FGF12: variants seen among roughly 807,000 people sequenced by gnomAD.
The protein encoded by FGF12 is fibroblast growth factor 12.
In FGF12, 14 loss-of-function variants were observed where a neutral mutation model predicts 23.6. That is an observed-to-expected ratio of 0.59 (90% CI 0.39 to 0.93). The LOEUF is 0.93. FGF12 is among the 40% of genes least tolerant of loss of function. The probability of loss-of-function intolerance (pLI) is 0.00; values close to 1 mark genes in which losing one functional copy is unlikely to be tolerated. For synonymous variants in FGF12, 62 were observed against 77.3 expected, an observed-to-expected ratio of 0.80 and a Z score of 1.04; for missense variants, 175 against 217.8, an observed-to-expected ratio of 0.80 and a Z score of 1.24.
At chr3:192,612,044 A>C (rs916765234) in intron 2 of FGF12, among the ~76,000 whole-genome samples, 4 of 151,958 alleles carry the variant, frequency 2.6e-5, no homozygotes, top group African/African-American at 9.7e-5. Context: ...TGGGATTATA[A>C]TACTACTTGG....
chr3:192,583,629 C>G (rs1302089276), intron 2 of FGF12, among the ~76,000 whole-genome samples: 1 of 152,128 alleles, frequency 6.6e-6, no homozygotes, highest in Non-Finnish European at 1.5e-5. Context: ...CTTTCAGACC[C>G]CCTGACTTCA....
At chr3:192,578,086 C>A (rs138789239) in intron 2 of FGF12, among the ~76,000 whole-genome samples, 151 of 152,248 alleles carry the variant, frequency 9.9e-4, no homozygotes, top group African/African-American at 3.3e-3. Context: ...TAATCGTGTT[C>A]TCTATGGCAA....
intron 2 of FGF12, among the ~76,000 whole-genome samples, chr3:192,620,430 G>T (rs1714932549): frequency 6.6e-6 from 1 of 152,074 alleles, no homozygotes; most frequent in South Asian, 2.1e-4. Flanking sequence ...ACATACTAGA[G>T]AAAATCTGCA....
At chr3:192,694,500 T>A (rs1398249973) in intron 2 of FGF12, among the ~76,000 whole-genome samples, 2 of 152,064 alleles carry the variant, frequency 1.3e-5, no homozygotes, top group Non-Finnish European at 2.9e-5. Context: ...ATCTACGTGT[T>A]CATCAACAGA....
At chr3:192,683,506 G>A (rs1303305341) in intron 2 of FGF12, among the ~76,000 whole-genome samples, 1 of 152,184 alleles carries the variant, frequency 6.6e-6, no homozygotes, top group Non-Finnish European at 1.5e-5. Flanking sequence ...TTGGTGTGAT[G>A]AATGACATAA....
At chr3:192,220,409 TA>T (rs1718408079) in intron 4 of FGF12, among the ~76,000 whole-genome samples, 1 of 152,196 alleles carries the variant, frequency 6.6e-6, no homozygotes, top group African/African-American at 2.4e-5. Flanking sequence ...TGTTTCAACT[TA>T]TGCTTTCATT....
chr3:192,326,290 G>A (rs1366312364), intron 4 of FGF12, among the ~76,000 whole-genome samples: 1 of 152,156 alleles, frequency 6.6e-6, no homozygotes, highest in Non-Finnish European at 1.5e-5. Context: ...TTGGGAAAAT[G>A]TTTACTGGGT....
chr3:192,389,368 C>T (rs1007766912), intron 2 of FGF12, among the ~76,000 whole-genome samples: 6 of 152,062 alleles, frequency 3.9e-5, no homozygotes, highest in Non-Finnish European at 8.8e-5. Context: ...TCTCAAACAA[C>T]GACAATACAT....
intron 4 of FGF12, among the ~76,000 whole-genome samples, chr3:192,323,439 G>A (rs551570886): frequency 1.3e-5 from 2 of 152,270 alleles, no homozygotes; most frequent in Admixed American, 6.5e-5. Flanking sequence ...AAGATGTTAC[G>A]TTAAGTGAAA....
chr3:192,471,831 G>A (rs900147439), intron 2 of FGF12, among the ~76,000 whole-genome samples: 6 of 152,146 alleles, frequency 3.9e-5, no homozygotes, highest in Non-Finnish European at 5.9e-5. Context: ...ATAGAATACA[G>A]TGTGTTCAAG....
At chr3:192,524,486 T>C (rs1724895997) in intron 2 of FGF12, among the ~76,000 whole-genome samples, 1 of 152,140 alleles carries the variant, frequency 6.6e-6, no homozygotes, top group Non-Finnish European at 1.5e-5. Flanking sequence ...CTAATACAAA[T>C]GGTTGTGGGA....
intron 2 of FGF12, among the ~76,000 whole-genome samples, chr3:192,387,633 G>A (rs1720099154): frequency 1.3e-5 from 2 of 151,750 alleles, no homozygotes; most frequent in African/African-American, 4.9e-5. Context: ...AGATGCTTGA[G>A]CCCAGGAGTT....
At chr3:192,722,280 T>C (rs971115307) in intron 2 of FGF12, among the ~76,000 whole-genome samples, 2 of 152,210 alleles carry the variant, frequency 1.3e-5, no homozygotes, top group Non-Finnish European at 2.9e-5. Context: ...TATCTCACTA[T>C]ACTGGCTCAG....
intron 4 of FGF12, among the ~76,000 whole-genome samples, chr3:192,243,115 C>G (rs963790364): frequency 1.1e-4 from 16 of 151,862 alleles, no homozygotes; most frequent in African/African-American, 3.1e-4. Flanking sequence ...CAAAACAATA[C>G]CAGGTACTTA....
chr3:192,249,398 T>C (rs750029383), intron 4 of FGF12, among the ~76,000 whole-genome samples: 2 of 152,214 alleles, frequency 1.3e-5, no homozygotes, highest in Non-Finnish European at 2.9e-5. Context: ...AAATTTGTGA[T>C]ATAATTCCTG....
chr3:192,434,913 C>T (rs944230847), intron 2 of FGF12, among the ~76,000 whole-genome samples: 6 of 151,860 alleles, frequency 4.0e-5, no homozygotes, highest in South Asian at 2.1e-4. Flanking sequence ...TTTATCCAAC[C>T]GCTTTTCAGG....
At chr3:192,158,332 C>CTTTCTTTTTCTTTCTTTCTT (rs1459698854) in intron 5 of FGF12, among the ~76,000 whole-genome samples, 133 of 112,446 alleles carry the variant, frequency 1.2e-3, no homozygotes, top group African/African-American at 4.6e-3. Context: ...TTCTTTCTTT[C>CTTTCTTTTTCTTTCTTTCTT]TCTTTCTTTC....
At chr3:192,451,777 A>C (rs532039238) in intron 2 of FGF12, among the ~76,000 whole-genome samples, 1 of 152,312 alleles carries the variant, frequency 6.6e-6, no homozygotes, top group African/African-American at 2.4e-5. Context: ...ATGGCTGTAT[A>C]ATAGCCCATT....
chr3:192,352,827 C>G (rs184807876), intron 3 of FGF12, among the ~76,000 whole-genome samples: 1 of 152,228 alleles, frequency 6.6e-6, no homozygotes, highest in Admixed American at 6.5e-5. Context: ...CAAAGAATCT[C>G]AAGTCAGATT....
Sources: allele counts gnomAD v4.1 joint callset (sites outside exome capture counted in the v4.1 genomes callset), GRCh38; gene constraint gnomAD v4.1.1; transcripts MANE v1.5; gene names NCBI Gene and HGNC (gene_info 2026-07-23, HGNC 2026-07-21).